RBFOX1: variants seen among roughly 807,000 people sequenced by gnomAD.
RBFOX1 encodes RNA binding protein fox-1 homolog 1.
Under a neutral mutation model 57.7 loss-of-function variants are expected in RBFOX1, and 8 were observed. That is an observed-to-expected ratio of 0.14 (90% CI 0.08 to 0.25). The LOEUF is 0.25. Among genes scored for constraint, RBFOX1 ranks in the 10% least tolerant of loss-of-function variants. The pLI, the probability that RBFOX1 is intolerant of heterozygous loss-of-function variation, is 1.00. For synonymous variants in RBFOX1, 326 were observed against 222.4 expected, an observed-to-expected ratio of 1.47 and a Z score of -4.15; for missense variants, 611 against 548.5, an observed-to-expected ratio of 1.11 and a Z score of -1.14.
intron 2 of RBFOX1, among the ~76,000 whole-genome samples, chr16:5,527,732 C>T (rs909209829): frequency 3.3e-5 from 5 of 152,108 alleles, no homozygotes; most frequent in East Asian, 1.9e-4. Flanking sequence ...TAAGTAGCTC[C>T]AGATCTCTTC....
chr16:6,815,955 G>C (rs942068511), intron 3 of RBFOX1, among the ~76,000 whole-genome samples: 1 of 152,184 alleles, frequency 6.6e-6, no homozygotes. Flanking sequence ...AGATCTTTAA[G>C]AGTATTAATA....
intron 1 of RBFOX1, among the ~76,000 whole-genome samples, chr16:5,403,395 A>T (rs918462919): frequency 8.6e-5 from 13 of 151,942 alleles, no homozygotes; most frequent in African/African-American, 3.1e-4. Context: ...AAAAAACCCA[A>T]AACCCTTGCT....
chr16:6,583,923 C>T (rs889358582), intron 2 of RBFOX1, among the ~76,000 whole-genome samples: 2 of 151,250 alleles, frequency 1.3e-5, no homozygotes, highest in African/African-American at 2.4e-5. Context: ...TAAAGAAAGA[C>T]GATTGTATCT....
chr16:6,063,418 A>G (rs1386533369), intron 1 of RBFOX1, among the ~76,000 whole-genome samples: 1 of 150,666 alleles, frequency 6.6e-6, no homozygotes, highest in Non-Finnish European at 1.5e-5. Flanking sequence ...CAGACATATT[A>G]CTTGTCTCAA....
Position 7,026,690 on chromosome 16 carries a change from C to T in RBFOX1, c.-15-25367C>T, listed in dbSNP as rs979074067. Reference sequence around the variant, plus strand: ...AATACTGTCCCTGTACCTCTCAGGTCGGGTGACTTACTGTGCCTCTGAACC... The same window carrying T: ...AATACTGTCCCTGTACCTCTCAGGTTGGGTGACTTACTGTGCCTCTGAACC... On this transcript the variant is annotated intron_variant, in intron 3 of 15. Coordinates refer to ENST00000550418, the MANE Select transcript of RBFOX1 (RefSeq NM_018723.4). Among the ~76,000 whole-genome samples the T allele has an allele frequency of 3.9e-5, 6 of 152,286 alleles. 1 individual carries two copies. Among genetic ancestry groups the T allele is most frequent in the South Asian group, 4.1e-4 (2 of 4,826 alleles).
intron 3 of RBFOX1, among the ~76,000 whole-genome samples, chr16:5,673,507 C>T (rs1215483366): frequency 6.6e-6 from 1 of 152,224 alleles, no homozygotes; most frequent in Non-Finnish European, 1.5e-5. Flanking sequence ...CAAGCCTCAG[C>T]AGGGTCTCGC....
At chr16:6,025,100 C>T (rs1046985903) in intron 1 of RBFOX1, among the ~76,000 whole-genome samples, 1 of 152,112 alleles carries the variant, frequency 6.6e-6, no homozygotes, top group Non-Finnish European at 1.5e-5. Flanking sequence ...CAGAGAGATA[C>T]CAGGATATAT....
At chr16:5,570,938 G>A (rs1378606491) in intron 2 of RBFOX1, among the ~76,000 whole-genome samples, 3 of 151,908 alleles carry the variant, frequency 2.0e-5, no homozygotes, top group Non-Finnish European at 4.4e-5. Context: ...CAGATGCTGA[G>A]TTTGATATTA....
upstream of RBFOX1, among the ~76,000 whole-genome samples, chr16:6,014,758 G>A (rs1409641684): frequency 1.3e-5 from 2 of 152,072 alleles, no homozygotes; most frequent in African/African-American, 2.4e-5. Flanking sequence ...TGAACCCAGA[G>A]TCATTTATGG....
At chr16:7,615,450 CAGG>C (rs1378196982) in intron 10 of RBFOX1, among the ~76,000 whole-genome samples, 2 of 152,242 alleles carry the variant, frequency 1.3e-5, no homozygotes, top group South Asian at 2.1e-4. Context: ...TAGAAGTTTT[CAGG>C]AGAAGTATTG....
chr16:6,943,631 C>T (rs1406379741), intron 3 of RBFOX1, among the ~76,000 whole-genome samples: 1 of 151,698 alleles, frequency 6.6e-6, no homozygotes, highest in Admixed American at 6.6e-5. Flanking sequence ...TGGCGTGAAC[C>T]CGGGAGGCGG....
chr16:6,187,741 T>C (rs755773231), intron 1 of RBFOX1, among the ~76,000 whole-genome samples: 31 of 152,112 alleles, frequency 2.0e-4, no homozygotes, highest in Admixed American at 9.8e-4. Flanking sequence ...GATGGCAAAG[T>C]GGGATGTAGA....
intron 4 of RBFOX1, among the ~76,000 whole-genome samples, chr16:5,998,997 T>C (rs891742205): frequency 2.6e-5 from 4 of 152,216 alleles, no homozygotes; most frequent in Admixed American, 1.3e-4. Context: ...TGAACTGTTA[T>C]GGGAAACATT....
chr16:7,192,294 C>T (rs1026249597), intron 4 of RBFOX1, among the ~76,000 whole-genome samples: 10 of 152,072 alleles, frequency 6.6e-5, no homozygotes, highest in Non-Finnish European at 1.3e-4. Flanking sequence ...GTGAATCTGA[C>T]GTTAGGGAAA....
intron 4 of RBFOX1, among the ~76,000 whole-genome samples, chr16:5,955,784 C>T (rs1324483586): frequency 6.6e-6 from 1 of 151,982 alleles, no homozygotes; most frequent in East Asian, 1.9e-4. Context: ...AAGGCAGTGA[C>T]CAGTAGAAAA....
At chr16:6,639,618 T>G (rs1184573884) in intron 2 of RBFOX1, among the ~76,000 whole-genome samples, 2 of 152,192 alleles carry the variant, frequency 1.3e-5, no homozygotes, top group African/African-American at 4.8e-5. Flanking sequence ...GGCTCACGCC[T>G]GTAATCCCAG....
intron 4 of RBFOX1, among the ~76,000 whole-genome samples, chr16:5,983,632 T>C (rs1438548269): frequency 2.0e-5 from 3 of 152,158 alleles, no homozygotes; most frequent in African/African-American, 7.2e-5. Flanking sequence ...TGAAACCAAC[T>C]TCATTTCTGA....
At chr16:7,587,326 T>TC in intron 7 of RBFOX1, 26 bp downstream of exon 7, 1 of 1,508,012 alleles carries the variant, frequency 6.6e-7, no homozygotes, top group South Asian at 1.4e-5. Context: ...CACTTTAGAA[T>TC]TGTTTAGTTT....
At chr16:6,766,729 C>G (rs150153126) in intron 3 of RBFOX1, among the ~76,000 whole-genome samples, 1 of 152,080 alleles carries the variant, frequency 6.6e-6, no homozygotes, top group Non-Finnish European at 1.5e-5. Context: ...GAATGTTATG[C>G]CAGTGAATTC....
Sources: allele counts gnomAD v4.1 joint callset (sites outside exome capture counted in the v4.1 genomes callset), GRCh38; gene constraint gnomAD v4.1.1; transcripts MANE v1.5; gene names NCBI Gene and HGNC (gene_info 2026-07-23, HGNC 2026-07-21).